The following ALOX5 variants were observed in gnomAD, a reference collection of about 807,000 sequenced individuals.
ALOX5 encodes arachidonate 5-lipoxygenase.
In ALOX5, 64 loss-of-function variants were observed where a neutral mutation model predicts 87.9. That is an observed-to-expected ratio of 0.73 (90% CI 0.60 to 0.90). ALOX5 has a LOEUF of 0.90. ALOX5 is among the 40% of genes least tolerant of loss of function. The probability of loss-of-function intolerance (pLI) is 0.00; values close to 1 mark genes in which losing one functional copy is unlikely to be tolerated. For missense variants in ALOX5, 822 were observed against 907.5 expected, an observed-to-expected ratio of 0.91 and a Z score of 1.21; for synonymous variants, 388 against 355.1, an observed-to-expected ratio of 1.09 and a Z score of -1.04.
intron 2 of ALOX5, among the ~76,000 whole-genome samples, chr10:45,389,600 A>C (rs1189564859): frequency 6.6e-6 from 1 of 152,226 alleles, no homozygotes; most frequent in African/African-American, 2.4e-5. Flanking sequence ...ACTAAGCTTC[A>C]TAAGTGAAGG....
rs562092562 is a variant in ALOX5 at position 45,404,616 on chromosome 10, G to T, written c.432-7575G>T. ...GTTGACACAGATAGATGTGGTTCAT[G>T]CAGTTAACTTCTTCATGGCATATCA... On this transcript the variant is annotated intron_variant, in intron 3 of 13. Transcript: ENST00000374391. Among the ~76,000 whole-genome samples, 5 of 152,352 alleles carry T rather than the reference G, an allele frequency of 3.3e-5. No homozygotes were observed. The South Asian group carries it at 1.0e-3, about 32-fold the overall frequency.
In ALOX5 at chr10:45,428,664, A is replaced by C. The variant is rs370294843; in HGVS notation, c.881A>C (p.Asp294Ala). 5.6e-6 allele frequency: 9 copies of C among 1,613,992 alleles called. No individual in the cohort carries two copies. Among genetic ancestry groups the C allele is most frequent in the African/African-American group, 2.7e-5 (2 of 74,914 alleles). ...IVDFELLDGI[D>A]ANKTDPCTLQ... ...GACTTTGAGCTGCTGGATGGCATCG[A>C]TGCCAACAAAACAGACCCCTGCACA... The change falls in exon 7 of 14, where the codon GAT (aspartate) becomes GCT (alanine). Residue 294 changes from aspartate to alanine, a missense_variant. Coordinates refer to ENST00000374391, the MANE Select transcript of ALOX5 (RefSeq NM_000698.5).
chr10:45,441,655 T>G, intron 9 of ALOX5: 1 of 506,996 alleles, frequency 2.0e-6, no homozygotes, highest in Non-Finnish European at 3.5e-6. Context: ...TGATGGCTCC[T>G]GGTCCCCTCC....
At chr10:45,412,923 C>G (rs1166313269) in intron 4 of ALOX5, among the ~76,000 whole-genome samples, 2 of 152,202 alleles carry the variant, frequency 1.3e-5, no homozygotes, top group African/African-American at 4.8e-5. Context: ...TCGGGAGACT[C>G]TAGGCTGCTT....
rs766190780 is a variant in ALOX5 at position 45,424,907 on chromosome 10, C to T, written c.662-53C>T. 1.7e-5 allele frequency: 27 copies of T among 1,600,676 alleles called. No homozygotes were observed. In the African/African-American group the frequency reaches 2.9e-4, roughly 17 times the overall value. ...TAGGTGAGGTCAGGAGGGCCATGGC[C>T]CTGGCTGCCCTCTACTCAGAGCTCA... is the stretch of plus-strand genomic sequence containing the variant. On this transcript the variant is annotated intron_variant, in intron 5 of 13. Transcript: ENST00000374391.
At chr10:45,410,514 T>C (rs1841030523) in intron 3 of ALOX5, among the ~76,000 whole-genome samples, 1 of 152,222 alleles carries the variant, frequency 6.6e-6, no homozygotes, top group Admixed American at 6.5e-5. Flanking sequence ...ACCCGGTCCC[T>C]GTTCACTTCT....
chr10:45,384,844 A>G (rs1315149568), intron 2 of ALOX5, among the ~76,000 whole-genome samples: 1 of 151,286 alleles, frequency 6.6e-6, no homozygotes, highest in African/African-American at 2.4e-5. Context: ...TATTATTATT[A>G]TTATTATTAT....
At chr10:45,418,007 A>G (rs781776372) in intron 4 of ALOX5, among the ~76,000 whole-genome samples, 1 of 152,106 alleles carries the variant, frequency 6.6e-6, no homozygotes. Context: ...TCGTCCTGTC[A>G]TTAGCCCCTT....
Position 45,428,722 on chromosome 10 carries a change from G to A in ALOX5, c.939G>A (p.Leu313=). 2 of 1,614,084 alleles carry A rather than the reference G, an allele frequency of 1.2e-6. No individual in the cohort carries two copies. Among genetic ancestry groups the A allele is most frequent in the Non-Finnish European group, 1.7e-6 (2 of 1,180,036 alleles). Residue 313 remains leucine, a synonymous_variant, in exon 7 of 14, where the codon CTG becomes CTA. Coordinates refer to ENST00000374391, the MANE Select transcript of ALOX5 (RefSeq NM_000698.5). ...LQFLAAPICL[L]YKNLANKIVP... The stretch of plus-strand genomic sequence containing the variant: ...TCCTGGCCGCTCCCATCTGCTTGCT[G>A]TATAAGAACCTGGCCAACAAGATTG...
intron 1 of ALOX5, among the ~76,000 whole-genome samples, chr10:45,380,012 G>A (rs1458650055): frequency 4.6e-5 from 7 of 152,110 alleles, no homozygotes; most frequent in African/African-American, 1.2e-4. Context: ...GGGCAGGCCC[G>A]ACGCGTATCC....
chr10:45,412,473 C>T (rs549498772), intron 4 of ALOX5, among the ~76,000 whole-genome samples, 160 bp downstream of exon 4: 44 of 152,252 alleles, frequency 2.9e-4, no homozygotes, highest in Non-Finnish European at 4.7e-4. Context: ...GGATTCTCAA[C>T]GCACAATTGC....
chr10:45,429,062 C>G (rs576015605), intron 7 of ALOX5, among the ~76,000 whole-genome samples: 6 of 152,136 alleles, frequency 3.9e-5, no homozygotes, highest in Non-Finnish European at 7.4e-5. Context: ...TGCCAGGGGC[C>G]AGGCAGGTGA....
intron 4 of ALOX5, among the ~76,000 whole-genome samples, chr10:45,423,628 A>C (rs566150238): frequency 1.2e-3 from 185 of 152,334 alleles, no homozygotes; most frequent in African/African-American, 4.1e-3. Context: ...CATTTAGCAG[A>C]AAATACATGA....
chr10:45,389,776 CT>C (rs1254795711), intron 2 of ALOX5, among the ~76,000 whole-genome samples: 1 of 152,210 alleles, frequency 6.6e-6, no homozygotes, highest in African/African-American at 2.4e-5. Flanking sequence ...TAGGAAGAAA[CT>C]GCATCAACTA....
At chr10:45,409,122 C>A (rs1413978661) in intron 3 of ALOX5, among the ~76,000 whole-genome samples, 2 of 152,232 alleles carry the variant, frequency 1.3e-5, no homozygotes, top group Admixed American at 6.5e-5. Context: ...CAGTGGCCAG[C>A]TGTTCAAACT....
At chr10:45,433,430 CA>C (rs1399479569) in intron 7 of ALOX5, among the ~76,000 whole-genome samples, 2 of 152,170 alleles carry the variant, frequency 1.3e-5, no homozygotes, top group African/African-American at 4.8e-5. Flanking sequence ...CCCAGTGCAG[CA>C]AAACCAAACA....
chr10:45,391,120 C>T (rs1413673682), intron 2 of ALOX5, among the ~76,000 whole-genome samples: 2 of 135,758 alleles, frequency 1.5e-5, no homozygotes, highest in African/African-American at 5.6e-5. Flanking sequence ...CCCTCTCTTT[C>T]CACGGTCTCC....
At chr10:45,413,219 C>CAGT (rs1841138506) in intron 4 of ALOX5, among the ~76,000 whole-genome samples, 1 of 152,148 alleles carries the variant, frequency 6.6e-6, no homozygotes, top group Non-Finnish European at 1.5e-5. Flanking sequence ...CCGAATCCAG[C>CAGT]AGTACATCAG....
At chr10:45,412,339 C>A (rs1359307772) in intron 4 of ALOX5, 26 bp downstream of exon 4, 1 of 1,612,576 alleles carries the variant, frequency 6.2e-7, no homozygotes, top group Non-Finnish European at 8.5e-7. Context: ...CTGAGGGACT[C>A]TGGGCAGCCC....
Sources: allele counts gnomAD v4.1 joint callset (sites outside exome capture counted in the v4.1 genomes callset), GRCh38; gene constraint gnomAD v4.1.1; transcripts MANE v1.5; gene names NCBI Gene and HGNC (gene_info 2026-07-23, HGNC 2026-07-21).